The following CCDC187 variants were observed in gnomAD, a reference collection of about 807,000 sequenced individuals.
CCDC187 encodes the protein coiled-coil domain-containing protein 187.
A neutral mutation model predicts 38.0 loss-of-function variants in CCDC187; 32 were observed. The observed-to-expected ratio is 0.84, with a 90% CI of 0.64 to 1.13. The LOEUF (loss-of-function observed/expected upper bound fraction) is 1.13, where lower values mean the gene tolerates loss of function less well. CCDC187 is among the 50% of genes most tolerant of loss of function. The pLI, the probability that CCDC187 is intolerant of heterozygous loss-of-function variation, is 0.00. For missense variants in CCDC187, 707 were observed against 786.8 expected, an observed-to-expected ratio of 0.90 and a Z score of 1.21; for synonymous variants, 333 against 347.9, an observed-to-expected ratio of 0.96 and a Z score of 0.48.
chr9:136,292,079 G>C, intron 5 of CCDC187, 82 bp downstream of exon 5: 1 of 398,470 alleles, frequency 2.5e-6, no homozygotes, highest in East Asian at 3.6e-5. Context: ...AGGCGGCCTG[G>C]AGCCTGGGTG....
chr9:136,306,856 A>G (rs1831810254), upstream of CCDC187: 1 of 152,238 alleles, frequency 6.6e-6, no homozygotes, highest in Non-Finnish European at 1.5e-5. Context: ...AAGAGCCGTG[A>G]CTGGCCCAGA....
At chr9:136,284,705 A>G (rs1449413466) in intron 9 of CCDC187, among the ~76,000 whole-genome samples, 1 of 146,744 alleles carries the variant, frequency 6.8e-6, no homozygotes, top group Non-Finnish European at 1.5e-5. Flanking sequence ...GCTCGGAGGA[A>G]GATTTTTGGT....
chr9:136,287,510 C>T (rs927848944), intron 7 of CCDC187, among the ~76,000 whole-genome samples: 1 of 152,192 alleles, frequency 6.6e-6, no homozygotes, highest in African/African-American at 2.4e-5. Context: ...CCGTTTCCTG[C>T]ACGGAGCTGC....
Position 136,291,199 on chromosome 9 carries a change from A to G in CCDC187, c.1414T>C (p.Ser472Pro). 2.5e-6 allele frequency: 1 copy of G among 398,632 alleles called. No homozygotes were observed. Among genetic ancestry groups the G allele is most frequent in the Non-Finnish European group, 4.4e-6 (1 of 226,142 alleles). 24.7% of individuals were successfully genotyped at this position (398,632 alleles called of 1,614,324 possible). A position where few individuals can be genotyped will look rare whatever the true frequency, so the allele number is the denominator to read the frequency against. The change falls in exon 6 of 26, where the codon TCC becomes CCC. Residue 472 changes from serine to proline, a missense_variant. Transcript: ENST00000638797. ...TGGGGACTCTCCGGCCTCTGGAAGG[A>G]GCGGTCCTGTCCTTGGGCCCCCCAG... ...RAWGAQGQDR[S>P]FQRPESPHER...
intron 14 of CCDC187, among the ~76,000 whole-genome samples, chr9:136,271,384 G>A (rs2131191339): frequency 6.6e-6 from 1 of 152,072 alleles, no homozygotes; most frequent in Non-Finnish European, 1.5e-5. Context: ...AGCCGGGTGT[G>A]GTGGTGGGTG....
intron 4 of CCDC187, among the ~76,000 whole-genome samples, chr9:136,293,563 TCA>T (rs1486198954): frequency 1.3e-5 from 2 of 149,828 alleles, no homozygotes; most frequent in African/African-American, 5.0e-5. Flanking sequence ...TCACACACTG[TCA>T]CACACGTGCC....
Position 136,268,093 on chromosome 9 carries a change from G to A in CCDC187, c.3475C>T (p.Leu1159Phe). The A allele has an allele frequency of 2.0e-6, 2 of 985,558 alleles. No individual in the cohort carries two copies. Among genetic ancestry groups the A allele is most frequent in the South Asian group, 9.4e-5 (2 of 21,294 alleles). The allele number at this position is 985,558 out of a possible 1,614,324, so 61.1% of individuals were successfully genotyped here. Residue 1159 changes from leucine (L) to phenylalanine (F), a missense_variant, in exon 15 of 26, where the codon CTT becomes TTT. By Grantham distance (22) the Leu-to-Phe change is conservative. Coordinates refer to ENST00000638797, the MANE Select transcript of CCDC187 (RefSeq NM_001378188.1). ...GGAGGGAAGAACTTGGCCAGGGGAA[G>A]CTGGGAGAGGGCTCCGTCAGGGCCC... ...VEGPDGALSQ[L>F]PLAKFFPPDN...
At chr9:136,267,593 G>T in intron 15 of CCDC187, 82 bp from the exon 16 acceptor site, 1 of 985,566 alleles carries the variant, frequency 1.0e-6, no homozygotes, top group African/African-American at 1.7e-5. Context: ...AGGGTGGGCC[G>T]CGTCACCGCC....
intron 1 of CCDC187, 23 bp from the exon 2 acceptor site, chr9:136,303,316 C>A (rs1170818792): frequency 2.5e-6 from 1 of 396,962 alleles, no homozygotes; most frequent in Non-Finnish European, 4.4e-6. Context: ...GGCAGACATG[C>A]CGGTCAGACA....
intron 12 of CCDC187, among the ~76,000 whole-genome samples, chr9:136,275,584 C>T (rs1392074899): frequency 2.0e-5 from 3 of 152,210 alleles, no homozygotes; most frequent in African/African-American, 7.2e-5. Context: ...GAACCAAACA[C>T]AGAAGAAAGG....
chr9:136,290,805 C>G lies in CCDC187; in HGVS notation c.1808G>C (p.Arg603Thr). ...PVSAAKHALP[R>T]PTGSFPQNPL... ...GTTCTGAGGGAAGCTCCCGGTGGGC[C>G]TTGGCAGGGCATGCTTGGCAGCCGA... Residue 603 changes from arginine (R) to threonine (T), a missense_variant, in exon 6 of 26, where the codon AGG (arginine) becomes ACG (threonine). Transcript: ENST00000638797. 1 of 398,544 alleles carries G rather than the reference C, an allele frequency of 2.5e-6. No homozygotes were observed. Among genetic ancestry groups the G allele is most frequent in the Non-Finnish European group, 4.4e-6 (1 of 225,984 alleles). The allele number at this position is 398,544 out of a possible 1,614,324, so 24.7% of individuals were successfully genotyped here.
In CCDC187 at chr9:136,289,914, C is replaced by T. The variant is rs901434631; in HGVS notation, c.2222+45G>A. On this transcript the variant is annotated intron_variant, in intron 7 of 25. Transcript: ENST00000638797. Reference sequence around the variant, plus strand: ...ACCCAGAACTGTTCTTGGCCCCCCCCAAGGCCCCGCCCGGCATGTGCAGCA... The same window carrying T: ...ACCCAGAACTGTTCTTGGCCCCCCCTAAGGCCCCGCCCGGCATGTGCAGCA... 942 of 392,846 alleles carry T rather than the reference C, an allele frequency of 2.4e-3. 6 individuals are homozygous for T. Among genetic ancestry groups the T allele is most frequent in the African/African-American group, 0.013 (642 of 48,428 alleles). 24.3% of individuals were successfully genotyped at this position (392,846 alleles called of 1,614,324 possible).
At position 136,286,708 on chromosome 9, in the gene CCDC187, A is replaced by G; in HGVS notation, c.2223-13T>C. 1 of 398,658 alleles carries G rather than the reference A, an allele frequency of 2.5e-6. No homozygotes were observed. The highest frequency in any genetic ancestry group is 4.4e-6 in the Non-Finnish European group (1 of 226,122). 24.7% of individuals were successfully genotyped at this position (398,658 alleles called of 1,614,324 possible). On this transcript the variant is annotated splice_polypyrimidine_tract_variant and intron_variant, in intron 7 of 25. Transcript: ENST00000638797. Reference sequence around the variant, plus strand: ...ACACAGGCAGAAGCTGCAGGAAGAGAGACGTGGACAGATCAGCTCAGGCTC... The same window carrying G: ...ACACAGGCAGAAGCTGCAGGAAGAGGGACGTGGACAGATCAGCTCAGGCTC...
At chr9:136,273,243 A>T (rs1830870101) in intron 14 of CCDC187, among the ~76,000 whole-genome samples, 1 of 152,232 alleles carries the variant, frequency 6.6e-6, no homozygotes, top group Non-Finnish European at 1.5e-5. Flanking sequence ...GATTTTTTTA[A>T]GCAAGATCCA....
chr9:136,300,764 A>T (rs1453102658), intron 2 of CCDC187, among the ~76,000 whole-genome samples: 1 of 151,976 alleles, frequency 6.6e-6, no homozygotes, highest in African/African-American at 2.4e-5. Flanking sequence ...CACCTGGCTA[A>T]TTTTTTTGTA....
chr9:136,281,050 G>A (rs920337902), intron 10 of CCDC187: 7,204 of 220,804 alleles, frequency 0.033, 227 homozygotes, highest in Admixed American at 0.12. Context: ...GGCTGCACCA[G>A]CCCCTCCAGC....
At chr9:136,262,856 A>G (rs1469629358) in intron 18 of CCDC187, among the ~76,000 whole-genome samples, 1 of 152,114 alleles carries the variant, frequency 6.6e-6, no homozygotes, top group Non-Finnish European at 1.5e-5. Context: ...GGAGACGCGC[A>G]GGTGGGGAAG....
At chr9:136,285,012 C>T (rs992944060) in intron 9 of CCDC187, among the ~76,000 whole-genome samples, 13 of 151,966 alleles carry the variant, frequency 8.6e-5, no homozygotes, top group Admixed American at 1.3e-4. Context: ...GGCCTGGGGG[C>T]GCGGGACAGG....
chr9:136,267,435 G>A lies in CCDC187; in HGVS notation c.3596C>T (p.Ala1199Val), dbSNP rs1554761843. The A allele has an allele frequency of 8.1e-6, 8 of 985,422 alleles. No homozygotes were observed. Among genetic ancestry groups the A allele is most frequent in the Non-Finnish European group, 9.6e-6 (8 of 830,018 alleles). 61.0% of individuals were successfully genotyped at this position (985,422 alleles called of 1,614,324 possible). A position where few individuals can be genotyped will look rare whatever the true frequency, so the allele number is the denominator to read the frequency against. ...QAALLRLREM[A>V]LQEKTLAELA... ...CTCCGCGAGCGTTTTCTCCTGGAGCGCCATCTCTCGCAGGCGCAGCAGCGC... is the reference window on the plus strand; with the variant it reads ...CTCCGCGAGCGTTTTCTCCTGGAGCACCATCTCTCGCAGGCGCAGCAGCGC... Residue 1199 changes from alanine (A) to valine (V), a missense_variant, in exon 16 of 26, where the codon GCG (alanine) becomes GTG (valine). Physicochemically the swap from Ala to Val is moderately conservative, Grantham distance 64. Coordinates refer to ENST00000638797, the MANE Select transcript of CCDC187 (RefSeq NM_001378188.1).
Sources: allele counts gnomAD v4.1 joint callset (sites outside exome capture counted in the v4.1 genomes callset), GRCh38; gene constraint gnomAD v4.1.1; transcripts MANE v1.5; gene names NCBI Gene and HGNC (gene_info 2026-07-23, HGNC 2026-07-21).